The following NRXN3 variants were observed in gnomAD, a reference collection of about 807,000 sequenced individuals.
The protein encoded by NRXN3 is neurexin III.
NRXN3 carries 32 observed loss-of-function variants against 137.6 expected under a neutral mutation model. The observed-to-expected ratio is 0.23, with a 90% CI of 0.18 to 0.31. The LOEUF is 0.31. Ranked by LOEUF, NRXN3 falls within the 10% of genes least tolerant of loss-of-function variation. The pLI is 1.00. For missense variants in NRXN3, 1,574 were observed against 2,062.5 expected, an observed-to-expected ratio of 0.76 and a Z score of 4.59; for synonymous variants, 798 against 784.5, an observed-to-expected ratio of 1.02 and a Z score of -0.29.
In NRXN3 at chr14:78,353,787, G is replaced by T. The variant is rs74685622; in HGVS notation, c.757+55927G>T. On this transcript the variant is annotated intron_variant, in intron 4 of 20. Coordinates refer to ENST00000335750, the MANE Select transcript of NRXN3 (RefSeq NM_001330195.2). Reference sequence around the variant, plus strand: ...TCTATATCCTCGGAGATGAGCCTCAGGGGAGGTACAGATTGAAATTCGTAA... The same window carrying T: ...TCTATATCCTCGGAGATGAGCCTCATGGGAGGTACAGATTGAAATTCGTAA... Among the ~76,000 whole-genome samples the T allele has an allele frequency of 1.5e-3, 225 of 152,250 alleles. 3 individuals are homozygous for T. In the East Asian group the frequency reaches 0.023, roughly 16 times the overall value.
At chr14:78,935,851 C>T (rs1382090331) in intron 10 of NRXN3, among the ~76,000 whole-genome samples, 1 of 152,208 alleles carries the variant, frequency 6.6e-6, no homozygotes, top group African/African-American at 2.4e-5. Context: ...TCAACTTTGT[C>T]CCCCCACCTT....
At chr14:79,356,405 T>C (rs995428984) in intron 15 of NRXN3, among the ~76,000 whole-genome samples, 3 of 152,206 alleles carry the variant, frequency 2.0e-5, no homozygotes, top group Non-Finnish European at 4.4e-5. Flanking sequence ...TTTCCTGGAA[T>C]GCACAACTTT....
At chr14:78,179,281 C>T (rs2059564551) in intron 1 of NRXN3, among the ~76,000 whole-genome samples, 1 of 151,710 alleles carries the variant, frequency 6.6e-6, no homozygotes, top group Admixed American at 6.6e-5. Context: ...CTGGAGGACT[C>T]CAGGGAGGAA....
intron 1 of NRXN3, among the ~76,000 whole-genome samples, chr14:78,200,932 T>C (rs937429950): frequency 6.6e-6 from 1 of 152,292 alleles, no homozygotes; most frequent in African/African-American, 2.4e-5. Context: ...TATCAGTCTC[T>C]TGAGCTATGG....
intron 4 of NRXN3, among the ~76,000 whole-genome samples, chr14:78,595,960 T>C (rs1407842117): frequency 6.6e-6 from 1 of 152,188 alleles, no homozygotes; most frequent in Non-Finnish European, 1.5e-5. Flanking sequence ...CAGACGTTTT[T>C]CCTTGTCACA....
intron 10 of NRXN3, among the ~76,000 whole-genome samples, chr14:78,874,211 A>G (rs1247367609): frequency 2.4e-4 from 36 of 152,100 alleles, no homozygotes; most frequent in Admixed American, 2.4e-3. Context: ...ACCTCAAGTG[A>G]TCCACTTGCC....
At chr14:79,119,678 A>G (rs1484025745) in intron 15 of NRXN3, among the ~76,000 whole-genome samples, 3 of 152,130 alleles carry the variant, frequency 2.0e-5, no homozygotes, top group African/African-American at 7.2e-5. Context: ...TCTGAGCCCC[A>G]TTTCACTAGG....
chr14:79,253,424 G>T (rs951951634), intron 15 of NRXN3, among the ~76,000 whole-genome samples: 1 of 152,180 alleles, frequency 6.6e-6, no homozygotes, highest in Non-Finnish European at 1.5e-5. Flanking sequence ...ATGCGAGAAG[G>T]TCCTCTCTCA....
At chr14:79,185,657 G>A (rs910604115) in intron 15 of NRXN3, among the ~76,000 whole-genome samples, 1 of 150,242 alleles carries the variant, frequency 6.7e-6, no homozygotes, top group Admixed American at 6.6e-5. Flanking sequence ...AGTAGAGACA[G>A]GGTTTCACCA....
intron 17 of NRXN3, among the ~76,000 whole-genome samples, chr14:79,682,323 G>A (rs561039050): frequency 5.9e-5 from 9 of 152,250 alleles, no homozygotes; most frequent in African/African-American, 2.2e-4. Context: ...CCATGTTGCA[G>A]TTCTCACAAA....
chr14:79,523,844 T>C (rs540859641), intron 16 of NRXN3, among the ~76,000 whole-genome samples: 1 of 152,288 alleles, frequency 6.6e-6, no homozygotes, highest in East Asian at 1.9e-4. Context: ...GGCTTAGGAA[T>C]CTCATTATCC....
chr14:78,526,495 A>G (rs1352408902), intron 4 of NRXN3, among the ~76,000 whole-genome samples: 1 of 152,230 alleles, frequency 6.6e-6, no homozygotes, highest in East Asian at 1.9e-4. Context: ...TAACAATGTT[A>G]TTGTTAACTT....
At chr14:79,197,637 G>C (rs17108933) in intron 15 of NRXN3, among the ~76,000 whole-genome samples, 12,687 of 151,104 alleles carry the variant, frequency 0.084, 682 homozygotes, top group Non-Finnish European at 0.12. Context: ...CTTTGTTGTC[G>C]CTGACTCCAC....
intron 8 of NRXN3, among the ~76,000 whole-genome samples, chr14:78,759,760 A>G (rs1264944126): frequency 6.6e-6 from 1 of 152,232 alleles, no homozygotes; most frequent in Non-Finnish European, 1.5e-5. Flanking sequence ...AAAGCTTAAC[A>G]GAAGGAGTAG....
chr14:78,284,021 C>T lies in NRXN3; in HGVS notation c.727+5359C>T, dbSNP rs2074809224. Among the ~76,000 whole-genome samples the T allele has an allele frequency of 2.6e-5, 4 of 152,212 alleles. No individual in the cohort carries two copies. The South Asian group carries it at 8.3e-4, about 32-fold the overall frequency. ...ATGGGGACAATAAGAGAACCTACCTCATGGAGTTGTTTCGAGCTTGTGTTA... is the reference window on the plus strand; with the variant it reads ...ATGGGGACAATAAGAGAACCTACCTTATGGAGTTGTTTCGAGCTTGTGTTA... On this transcript the variant is annotated intron_variant, in intron 3 of 20. Coordinates refer to ENST00000335750, the MANE Select transcript of NRXN3 (RefSeq NM_001330195.2).
chr14:79,868,274 G>A lies in NRXN3; in HGVS notation c.*6310G>A, dbSNP rs962770564. On this transcript the variant is annotated 3_prime_UTR_variant, in exon 21 of 21. Transcript: ENST00000335750. ...AGGACCAAAAAGTTAATAAAAATACGAAAGTTTGGCACTCTTAGTTTTTCT... is the reference window on the plus strand; with the variant it reads ...AGGACCAAAAAGTTAATAAAAATACAAAAGTTTGGCACTCTTAGTTTTTCT... The A allele has an allele frequency of 2.6e-5, 4 of 152,260 alleles. No homozygotes were observed. Among genetic ancestry groups the A allele is most frequent in the African/African-American group, 7.2e-5 (3 of 41,568 alleles). The allele number at this position is 152,260 out of a possible 1,614,324, so 9.4% of individuals were successfully genotyped here. A position where few individuals can be genotyped will look rare whatever the true frequency, so the allele number is the denominator to read the frequency against.
chr14:78,747,595 C>G (rs957307557), intron 8 of NRXN3, among the ~76,000 whole-genome samples: 1 of 152,120 alleles, frequency 6.6e-6, no homozygotes, highest in Non-Finnish European at 1.5e-5. Flanking sequence ...AACTAAGAAC[C>G]CTCTACTTCT....
At chr14:79,572,119 A>G (rs949475806) in intron 16 of NRXN3, among the ~76,000 whole-genome samples, 4 of 152,150 alleles carry the variant, frequency 2.6e-5, no homozygotes, top group Admixed American at 1.3e-4. Flanking sequence ...GAGTTATTAC[A>G]TATCTCTTTT....
At chr14:79,360,566 A>C (rs2093648408) in intron 15 of NRXN3, among the ~76,000 whole-genome samples, 1 of 152,224 alleles carries the variant, frequency 6.6e-6, no homozygotes, top group Admixed American at 6.5e-5. Context: ...GGTTATGCTG[A>C]AAGATGAATG....
Sources: allele counts gnomAD v4.1 joint callset (sites outside exome capture counted in the v4.1 genomes callset), GRCh38; gene constraint gnomAD v4.1.1; transcripts MANE v1.5; gene names NCBI Gene and HGNC (gene_info 2026-07-23, HGNC 2026-07-21).